ITGBL1: variants seen among roughly 807,000 people sequenced by gnomAD.
ITGBL1 encodes integrin beta-like protein 1.
In ITGBL1, 51 loss-of-function variants were observed where a neutral mutation model predicts 68.5. That is an observed-to-expected ratio of 0.74 (90% CI 0.59 to 0.94). The LOEUF (loss-of-function observed/expected upper bound fraction) is 0.94, where lower values mean the gene tolerates loss of function less well. Ranked by LOEUF, ITGBL1 falls within the 40% of genes least tolerant of loss-of-function variation. The pLI is 0.00. For missense variants in ITGBL1, 649 were observed against 647.4 expected (o/e 1.00, Z -0.03); for synonymous variants, 209 against 227.3 (o/e 0.92, Z 0.72).
chr13:101,643,814 C>A (rs1427391053), intron 7 of ITGBL1, among the ~76,000 whole-genome samples: 1 of 152,014 alleles, frequency 6.6e-6, no homozygotes, highest in Non-Finnish European at 1.5e-5. Context: ...GAAATAAGTT[C>A]TTATAAATAA....
chr13:101,501,990 G>C (rs1026635101), intron 2 of ITGBL1, among the ~76,000 whole-genome samples: 6 of 152,074 alleles, frequency 3.9e-5, no homozygotes, highest in East Asian at 1.9e-4. Context: ...TCACCTGAAA[G>C]GGCATTTTTG....
At chr13:101,545,666 A>G (rs752045125) in intron 2 of ITGBL1, among the ~76,000 whole-genome samples, 27 of 152,176 alleles carry the variant, frequency 1.8e-4, no homozygotes, top group Non-Finnish European at 3.5e-4. Flanking sequence ...TAAGGAAAAA[A>G]TCTAATGGGA....
chr13:101,544,203 G>A (rs2049771454), intron 2 of ITGBL1, among the ~76,000 whole-genome samples: 1 of 152,116 alleles, frequency 6.6e-6, no homozygotes, highest in Non-Finnish European at 1.5e-5. Flanking sequence ...TTTGGTCTTT[G>A]ATGATGGTGA....
chr13:101,565,928 CCTTT>C (rs1198477841), intron 2 of ITGBL1, among the ~76,000 whole-genome samples: 2 of 151,978 alleles, frequency 1.3e-5, no homozygotes, highest in Admixed American at 6.6e-5. Context: ...TTATTTTCCC[CCTTT>C]CTTTCTATTT....
chr13:101,454,043 C>A lies in ITGBL1; in HGVS notation c.259C>A (p.Pro87Thr). ...GACTGAGCCGGGCATGTTCTTCGGG[C>A]CCCTGTGTGAGTGCCATGAGTGGGT... ...HVTEPGMFFGPLCECHEWVCE... is the reference protein window; with the variant it reads ...HVTEPGMFFGTLCECHEWVCE... The change falls in exon 2 of 11, where the codon CCC becomes ACC. Residue 87 changes from proline (P) to threonine (T), a missense_variant. By Grantham distance (38) the Pro-to-Thr change is conservative. Transcript: ENST00000376180. 1.3e-6 allele frequency: 2 copies of A among 1,593,118 alleles called. No individual in the cohort carries two copies. The highest frequency in any genetic ancestry group is 1.7e-6 in the Non-Finnish European group (2 of 1,170,384).
chr13:101,668,935 A>T (rs2033289048), intron 7 of ITGBL1, among the ~76,000 whole-genome samples: 1 of 152,162 alleles, frequency 6.6e-6, no homozygotes, highest in Non-Finnish European at 1.5e-5. Context: ...ATGAGGAAGC[A>T]CACATTCCTA....
chr13:101,511,084 C>T (rs555334998), intron 2 of ITGBL1, among the ~76,000 whole-genome samples: 11 of 151,978 alleles, frequency 7.2e-5, no homozygotes, highest in South Asian at 4.2e-4. Context: ...AGCTTGATGT[C>T]GATGAGGATA....
chr13:101,707,132 T>C (rs949903913), intron 9 of ITGBL1, among the ~76,000 whole-genome samples: 1 of 152,178 alleles, frequency 6.6e-6, no homozygotes, highest in Non-Finnish European at 1.5e-5. Context: ...TGCAAAGTTA[T>C]TGCTGAATGA....
intron 2 of ITGBL1, among the ~76,000 whole-genome samples, chr13:101,495,487 T>C (rs571225430): frequency 6.8e-4 from 104 of 152,316 alleles, no homozygotes; most frequent in African/African-American, 2.4e-3. Context: ...GGTTTGGCTT[T>C]CTACTTCACT....
intron 4 of ITGBL1, among the ~76,000 whole-genome samples, chr13:101,577,695 G>C (rs183014806): frequency 1.3e-5 from 2 of 152,022 alleles, no homozygotes; most frequent in Non-Finnish European, 2.9e-5. Context: ...TGATTGGGTC[G>C]TACAAACCTG....
chr13:101,524,971 T>A (rs2049349792), intron 2 of ITGBL1, among the ~76,000 whole-genome samples: 1 of 152,110 alleles, frequency 6.6e-6, no homozygotes, highest in African/African-American at 2.4e-5. Flanking sequence ...ATTTGTATGT[T>A]TGTTGGTGAA....
chr13:101,459,396 A>G (rs1445580074), intron 2 of ITGBL1, among the ~76,000 whole-genome samples: 4 of 152,206 alleles, frequency 2.6e-5, no homozygotes, highest in African/African-American at 9.7e-5. Flanking sequence ...ATGTATGTAT[A>G]AATTTATTTA....
chr13:101,644,464 G>A (rs1220936609), intron 7 of ITGBL1, among the ~76,000 whole-genome samples: 2 of 152,080 alleles, frequency 1.3e-5, no homozygotes, highest in East Asian at 1.9e-4. Context: ...CACTGATGTC[G>A]CCTTGGAGAT....
chr13:101,606,015 T>C (rs1283146866), intron 7 of ITGBL1, among the ~76,000 whole-genome samples: 6 of 146,434 alleles, frequency 4.1e-5, no homozygotes, highest in Admixed American at 1.4e-4. Context: ...CATATATATG[T>C]ATATATGTTA....
chr13:101,642,738 G>A (rs1178469016), intron 7 of ITGBL1, among the ~76,000 whole-genome samples: 1 of 151,684 alleles, frequency 6.6e-6, no homozygotes, highest in Non-Finnish European at 1.5e-5. Flanking sequence ...ATTAATTTTT[G>A]TATAAGGTGT....
At chr13:101,652,041 G>T (rs1431849971) in intron 7 of ITGBL1, among the ~76,000 whole-genome samples, 1 of 151,988 alleles carries the variant, frequency 6.6e-6, no homozygotes, top group Non-Finnish European at 1.5e-5. Context: ...TGTCTGTTTT[G>T]TACCAGTACC....
At chr13:101,526,209 A>G (rs1178244373) in intron 2 of ITGBL1, among the ~76,000 whole-genome samples, 1 of 147,452 alleles carries the variant, frequency 6.8e-6, no homozygotes, top group African/African-American at 2.5e-5. Flanking sequence ...AGAACGTGCA[A>G]GTTTGTTACA....
intron 7 of ITGBL1, among the ~76,000 whole-genome samples, chr13:101,600,157 C>T (rs1210255533): frequency 2.0e-5 from 3 of 152,120 alleles, no homozygotes; most frequent in Admixed American, 6.5e-5. Flanking sequence ...CTTCACATCC[C>T]TTGTAAGTTG....
chr13:101,534,813 C>T, intron 2 of ITGBL1, among the ~76,000 whole-genome samples: 1 of 152,096 alleles, frequency 6.6e-6, no homozygotes, highest in East Asian at 1.9e-4. Flanking sequence ...GATTTTCATT[C>T]CATAAATCTG....
Sources: gnomAD v4.1 joint callset for allele counts (sites outside exome capture counted in the v4.1 genomes callset) on GRCh38, gnomAD v4.1.1 for gene constraint, MANE v1.5 for transcripts, NCBI Gene and HGNC (gene_info 2026-07-23, HGNC 2026-07-21) for gene names.